PKIB: variants seen among roughly 807,000 people sequenced by gnomAD.
The protein encoded by PKIB is cAMP-dependent protein kinase inhibitor beta.
In PKIB, 2 loss-of-function variants were observed where a neutral mutation model predicts 4.5. That is an observed-to-expected ratio of 0.44 (90% CI 0.18 to 1.39). The LOEUF (loss-of-function observed/expected upper bound fraction) is 1.39. PKIB is among the 40% of genes most tolerant of loss of function. The pLI is 0.27. For missense variants in PKIB, 94 were observed against 92.6 expected (o/e 1.02, Z -0.06); for synonymous variants, 38 against 36.0 (o/e 1.06, Z -0.20).
At chr6:122,641,623 G>C (rs1776124899) in intron 2 of PKIB, among the ~76,000 whole-genome samples, 1 of 152,138 alleles carries the variant, frequency 6.6e-6, no homozygotes, top group Non-Finnish European at 1.5e-5. Context: ...ATCTAGGGTT[G>C]TTTCTGTTTC....
rs974941346 is a variant in PKIB at position 122,725,898 on chromosome 6, G to C, written c.*703G>C. 6.6e-6 allele frequency: 1 copy of C among 151,924 alleles called. No individual in the cohort carries two copies. Among genetic ancestry groups the C allele is most frequent in the Non-Finnish European group, 1.5e-5 (1 of 68,008 alleles). 9.4% of individuals were successfully genotyped at this position (151,924 alleles called of 1,614,324 possible). ...AATTTTACTATCTTCCCTAACTTTG[G>C]TCTGTGTATGTGTGTGTGTTTTACT... is the stretch of plus-strand genomic sequence containing the variant. On this transcript the variant is annotated 3_prime_UTR_variant, in exon 5 of 5. Transcript: ENST00000368452.
chr6:122,531,085 G>C (rs942693595), intron 2 of PKIB: 4 of 152,132 alleles, frequency 2.6e-5, no homozygotes, highest in Non-Finnish European at 5.9e-5. Context: ...TTAAGAGTGG[G>C]TGACTTTAAA....
chr6:122,574,429 A>T (rs1181379994), intron 2 of PKIB, among the ~76,000 whole-genome samples: 1 of 152,176 alleles, frequency 6.6e-6, no homozygotes, highest in Non-Finnish European at 1.5e-5. Context: ...ATTAATATGG[A>T]ATCACAAAAG....
At chr6:122,625,797 A>G (rs1463836854) in intron 1 of PKIB, among the ~76,000 whole-genome samples, 1 of 152,150 alleles carries the variant, frequency 6.6e-6, no homozygotes, top group African/African-American at 2.4e-5. Flanking sequence ...GGCCAGCTTC[A>G]GTGGCTCATA....
At chr6:122,703,205 TATG>T (rs1223315918) in intron 3 of PKIB, among the ~76,000 whole-genome samples, 40 of 152,320 alleles carry the variant, frequency 2.6e-4, no homozygotes, top group African/African-American at 9.6e-4. Flanking sequence ...ACACATTGTA[TATG>T]ATATTGTTAT....
upstream of PKIB, among the ~76,000 whole-genome samples, chr6:122,607,946 G>C (rs1320457111): frequency 6.6e-6 from 1 of 152,146 alleles, no homozygotes; most frequent in Non-Finnish European, 1.5e-5. Flanking sequence ...TACATTCACG[G>C]AAGTGTTTGT....
At chr6:122,473,436 G>A (rs567134865) in intron 1 of PKIB, among the ~76,000 whole-genome samples, 1 of 152,196 alleles carries the variant, frequency 6.6e-6, no homozygotes, top group Admixed American at 6.5e-5. Context: ...GATATTCAGA[G>A]TTAAATACAA....
chr6:122,480,821 CTGA>C (rs1775589927), intron 2 of PKIB: 1 of 152,160 alleles, frequency 6.6e-6, no homozygotes, highest in African/African-American at 2.4e-5. Context: ...CATTTTCACA[CTGA>C]TAACTAAAAT....
At chr6:122,599,172 A>G (rs1774275669) in intron 3 of PKIB, among the ~76,000 whole-genome samples, 1 of 152,148 alleles carries the variant, frequency 6.6e-6, no homozygotes, top group Admixed American at 6.5e-5. Context: ...CTGTTGCCTC[A>G]AGCAGCACAG....
chr6:122,684,714 T>G (rs1340465615), intron 3 of PKIB, among the ~76,000 whole-genome samples: 1 of 152,240 alleles, frequency 6.6e-6, no homozygotes, highest in African/African-American at 2.4e-5. Flanking sequence ...TGTTTTTAGT[T>G]TTGTTTTGTT....
At chr6:122,694,182 T>A (rs1778467179) in intron 3 of PKIB, among the ~76,000 whole-genome samples, 1 of 152,172 alleles carries the variant, frequency 6.6e-6, no homozygotes, top group Non-Finnish European at 1.5e-5. Context: ...GAGGAGAATG[T>A]TGCCTAACCT....
At chr6:122,526,441 A>C (rs981440937) in intron 2 of PKIB, among the ~76,000 whole-genome samples, 2 of 152,128 alleles carry the variant, frequency 1.3e-5, no homozygotes, top group African/African-American at 4.8e-5. Flanking sequence ...ATAAGATTTA[A>C]ATGTTGAAAT....
intron 2 of PKIB, among the ~76,000 whole-genome samples, chr6:122,670,300 G>C (rs1424571850): frequency 2.0e-5 from 3 of 152,012 alleles, no homozygotes; most frequent in African/African-American, 7.3e-5. Flanking sequence ...TATTTCTATA[G>C]AAAGGGGGAG....
chr6:122,657,155 G>A (rs1290586611), intron 2 of PKIB, among the ~76,000 whole-genome samples: 1 of 152,112 alleles, frequency 6.6e-6, no homozygotes, highest in African/African-American at 2.4e-5. Context: ...TTGTCTTTAA[G>A]GCTTTTTTAC....
chr6:122,690,111 C>T (rs907496281), intron 3 of PKIB, among the ~76,000 whole-genome samples: 2 of 151,610 alleles, frequency 1.3e-5, no homozygotes, highest in African/African-American at 4.8e-5. Context: ...ATATCTTTCT[C>T]CATCTTTATT....
intron 3 of PKIB, among the ~76,000 whole-genome samples, chr6:122,596,907 A>G (rs551170430): frequency 1.3e-5 from 2 of 152,308 alleles, no homozygotes; most frequent in South Asian, 4.1e-4. Flanking sequence ...GTCACTTGAT[A>G]AATGGGCTGG....
chr6:122,584,342 A>C (rs1393992086), intron 2 of PKIB, among the ~76,000 whole-genome samples: 2 of 152,164 alleles, frequency 1.3e-5, no homozygotes, highest in African/African-American at 4.8e-5. Context: ...CCAGAGATTA[A>C]ATATGTCAAT....
intron 2 of PKIB, among the ~76,000 whole-genome samples, chr6:122,669,240 A>G (rs2114938146): frequency 6.6e-6 from 1 of 152,248 alleles, no homozygotes; most frequent in South Asian, 2.1e-4. Flanking sequence ...CTGGAAATTT[A>G]AACTAAAGAA....
chr6:122,510,212 G>GT (rs1274929396), intron 2 of PKIB, among the ~76,000 whole-genome samples: 2 of 152,184 alleles, frequency 1.3e-5, no homozygotes, highest in African/African-American at 4.8e-5. Flanking sequence ...AAGCAATCCA[G>GT]TGTTTGTAAT....
Sources: allele counts gnomAD v4.1 joint callset (sites outside exome capture counted in the v4.1 genomes callset), GRCh38; gene constraint gnomAD v4.1.1; transcripts MANE v1.5; gene names NCBI Gene and HGNC (gene_info 2026-07-23, HGNC 2026-07-21).